Variants in SH3RF2 observed in about 807,000 individuals in gnomAD.
SH3RF2 encodes the protein E3 ubiquitin-protein ligase SH3RF2.
In SH3RF2, 43 loss-of-function variants were observed where a neutral mutation model predicts 59.0. The ratio of observed to expected loss-of-function variants is 0.73; its 90% confidence interval spans 0.57 to 0.94. SH3RF2 has a LOEUF of 0.94. Ranked by LOEUF, SH3RF2 falls within the 40% of genes least tolerant of loss-of-function variation. The pLI is 0.00. For synonymous variants in SH3RF2, 391 were observed against 391.5 expected (o/e 1.00, Z 0.01); for missense variants, 930 against 940.1 (o/e 0.99, Z 0.14).
At chr5:145,968,346 G>A (rs761974895) in intron 2 of SH3RF2, among the ~76,000 whole-genome samples, 13 of 152,094 alleles carry the variant, frequency 8.5e-5, no homozygotes, top group Non-Finnish European at 1.3e-4. Flanking sequence ...TATCTCTACG[G>A]CAGAATATTA....
intron 2 of SH3RF2, among the ~76,000 whole-genome samples, chr5:145,958,843 C>G (rs1199902275): frequency 1.3e-5 from 2 of 152,160 alleles, no homozygotes; most frequent in African/African-American, 2.4e-5. Flanking sequence ...ATAAAGAATT[C>G]CATTGGAAAC....
At chr5:146,067,644 C>T (rs1338366989), downstream of SH3RF2, among the ~76,000 whole-genome samples, 2 of 152,216 alleles carry the variant, frequency 1.3e-5, no homozygotes, top group Non-Finnish European at 2.9e-5. Flanking sequence ...TCCAATCCAC[C>T]TTTCTCATAC....
chr5:146,033,690 G>A (rs571526484), intron 5 of SH3RF2, among the ~76,000 whole-genome samples: 6 of 151,732 alleles, frequency 4.0e-5, no homozygotes, highest in Non-Finnish European at 5.9e-5. Flanking sequence ...GGCTGGTCTC[G>A]AACTCCCGAT....
intron 2 of SH3RF2, among the ~76,000 whole-genome samples, chr5:145,990,240 G>A (rs1240563867): frequency 1.3e-5 from 2 of 152,176 alleles, no homozygotes; most frequent in Non-Finnish European, 2.9e-5. Flanking sequence ...TCAGGAAAGT[G>A]CGTCTACTGG....
Position 145,938,303 on chromosome 5 carries a change from T to A in SH3RF2, c.375T>A (p.Asp125Glu), listed in dbSNP as rs1403001037. 1 of 1,557,652 alleles carries A rather than the reference T, an allele frequency of 6.4e-7. No homozygotes were observed. Among genetic ancestry groups the A allele is most frequent in the East Asian group, 2.2e-5 (1 of 44,518 alleles). Residue 125 changes from aspartate (D) to glutamate (E), a missense_variant, in exon 2 of 10, where the codon GAT becomes GAA. Coordinates refer to ENST00000359120, the MANE Select transcript of SH3RF2 (RefSeq NM_152550.4). ...TGCCTAATGTCAGAATCCACATGGA[T>A]GGGGTAAGAGAGATCTTATTTGCTA... ...RLVPNVRIHM[D>E]GVPRAKALCN...
chr5:145,986,580 G>A (rs368469588), intron 2 of SH3RF2, among the ~76,000 whole-genome samples: 2 of 152,184 alleles, frequency 1.3e-5, no homozygotes, highest in African/African-American at 4.8e-5. Flanking sequence ...TGGTGGAGAA[G>A]AGATGGTGAC....
intron 8 of SH3RF2, among the ~76,000 whole-genome samples, chr5:146,058,812 C>A (rs1440167587): frequency 2.6e-5 from 4 of 151,458 alleles, no homozygotes; most frequent in African/African-American, 9.7e-5. Flanking sequence ...GGATCTCCTG[C>A]CTTCCAGAGA....
intron 2 of SH3RF2, among the ~76,000 whole-genome samples, chr5:145,944,355 T>A (rs4913053): frequency 0.099 from 14,595 of 147,674 alleles, 999 homozygotes; most frequent in East Asian, 0.26. Context: ...TTTTTTTTTT[T>A]AAATTATGCT....
chr5:145,990,408 A>G (rs570657469), intron 2 of SH3RF2, among the ~76,000 whole-genome samples: 1 of 152,332 alleles, frequency 6.6e-6, no homozygotes, highest in East Asian at 1.9e-4. Flanking sequence ...ATTATCCCTG[A>G]TTGAGGCACA....
chr5:145,997,634 G>A lies in SH3RF2; in HGVS notation c.379-2424G>A, dbSNP rs1760220711. The A allele has an allele frequency of 2.5e-6, 4 of 1,582,010 alleles. No individual in the cohort carries two copies. In the African/African-American group the frequency reaches 5.4e-5, roughly 21 times the overall value. Reference sequence around the variant, plus strand: ...AGAAAATTACTTATCCTCTGGGACTGGCCACTTTATGAGCAACTGTTTGCT... The same window carrying A: ...AGAAAATTACTTATCCTCTGGGACTAGCCACTTTATGAGCAACTGTTTGCT... On this transcript the variant is annotated intron_variant, in intron 2 of 9. Transcript: ENST00000359120.
At chr5:145,979,613 T>C (rs1759434860) in intron 2 of SH3RF2, among the ~76,000 whole-genome samples, 1 of 152,202 alleles carries the variant, frequency 6.6e-6, no homozygotes, top group Admixed American at 6.5e-5. Context: ...ACTATCAACA[T>C]GATGTCGGCC....
chr5:146,062,467 C>T lies in SH3RF2; in HGVS notation c.1956C>T (p.Pro652=), dbSNP rs747958720. 1.2e-6 allele frequency: 2 copies of T among 1,614,178 alleles called. No individual in the cohort carries two copies. The highest frequency in any genetic ancestry group is 1.1e-5 in the South Asian group (1 of 91,078). The change falls in exon 10 of 10, where the codon CCC becomes CCT. Residue 652 remains proline, a synonymous_variant. Transcript: ENST00000359120. ...GATTTCAGAATTACAGCCCTCCTCC[C>T]ACCAAACATTACACCTCCCATCCCA... is the stretch of plus-strand genomic sequence containing the variant. ...TVRFQNYSPP[P]TKHYTSHPTS...
intron 2 of SH3RF2, among the ~76,000 whole-genome samples, chr5:145,962,554 A>T (rs1298851301): frequency 6.6e-6 from 1 of 152,122 alleles, no homozygotes; most frequent in Non-Finnish European, 1.5e-5. Context: ...AAATCTTCTC[A>T]GTTGGTCTCT....
chr5:145,943,622 T>G (rs1757900669), intron 2 of SH3RF2, among the ~76,000 whole-genome samples: 1 of 152,234 alleles, frequency 6.6e-6, no homozygotes, highest in African/African-American at 2.4e-5. Context: ...CACTATCACT[T>G]AAGTGATCAG....
chr5:146,053,517 A>G (rs1341072825), intron 7 of SH3RF2, among the ~76,000 whole-genome samples: 2 of 152,104 alleles, frequency 1.3e-5, no homozygotes, highest in African/African-American at 2.4e-5. Flanking sequence ...AGTCTCAGCC[A>G]ATATGACATT....
intron 2 of SH3RF2, among the ~76,000 whole-genome samples, chr5:145,951,302 C>T (rs1056879749): frequency 2.0e-5 from 3 of 152,202 alleles, no homozygotes; most frequent in Non-Finnish European, 4.4e-5. Flanking sequence ...TATGCTGGCT[C>T]ATCTTGCAGC....
chr5:146,057,976 C>CTATATATATA (rs1491563299), intron 8 of SH3RF2, among the ~76,000 whole-genome samples: 1 of 118,102 alleles, frequency 8.5e-6, no homozygotes, highest in African/African-American at 2.8e-5. Flanking sequence ...CTCTATCTAT[C>CTATATATATA]TATCTATCTA....
chr5:146,067,953 G>A (rs555009996), downstream of SH3RF2, among the ~76,000 whole-genome samples: 7 of 152,310 alleles, frequency 4.6e-5, no homozygotes, highest in Non-Finnish European at 1.0e-4. Context: ...TGACCCTGGA[G>A]TACAGTGTAG....
intron 5 of SH3RF2, among the ~76,000 whole-genome samples, chr5:146,039,844 T>C (rs1762064558): frequency 6.6e-6 from 1 of 152,068 alleles, no homozygotes; most frequent in Non-Finnish European, 1.5e-5. Flanking sequence ...AAACTGAAAA[T>C]TGCCCAAATG....
Sources: gnomAD v4.1 joint callset for allele counts (sites outside exome capture counted in the v4.1 genomes callset) on GRCh38, gnomAD v4.1.1 for gene constraint, MANE v1.5 for transcripts, NCBI Gene and HGNC (gene_info 2026-07-23, HGNC 2026-07-21) for gene names.